The following ANP32B variants were observed in gnomAD, a reference collection of about 807,000 sequenced individuals.
ANP32B encodes acidic nuclear phosphoprotein 32 family member B, also known as acidic leucine-rich nuclear phosphoprotein 32 family member B.
ANP32B carries 6 observed loss-of-function variants against 32.2 expected under a neutral mutation model. The ratio of observed to expected loss-of-function variants is 0.19; its 90% CI spans 0.10 to 0.37. ANP32B has a LOEUF of 0.37. Among genes scored for constraint, ANP32B ranks in the 10% least tolerant of loss-of-function variants. The pLI, the probability that ANP32B is intolerant of heterozygous loss-of-function variation, is 1.00. For missense variants in ANP32B, 204 were observed against 289.2 expected, an observed-to-expected ratio of 0.71 and a Z score of 2.14; for synonymous variants, 98 against 105.8, an observed-to-expected ratio of 0.93 and a Z score of 0.45.
At chr9:97,991,515 TA>T (rs1010320377) in intron 1 of ANP32B, among the ~76,000 whole-genome samples, 2 of 151,488 alleles carry the variant, frequency 1.3e-5, no homozygotes, top group African/African-American at 2.4e-5. Context: ...TCACTTAGGG[TA>T]AAAAAAATAG....
Position 97,983,606 on chromosome 9 carries a change from A to C in ANP32B, c.51A>C (p.Ala17=), listed in dbSNP as rs1587867631. Reference sequence around the variant, plus strand: ...TGGAGCTGAGGAACCGGACCCCGGCAGCTGTAAGCAGAGACCCCTCTGGGT... The same window carrying C: ...TGGAGCTGAGGAACCGGACCCCGGCCGCTGTAAGCAGAGACCCCTCTGGGT... The part of the protein sequence containing the change: ...IHLELRNRTP[A]AVRELVLDNC... Residue 17 remains alanine (A), a synonymous_variant, in exon 1 of 7, where the codon GCA becomes GCC. Transcript: ENST00000339399. The C allele has an allele frequency of 1.3e-6, 2 of 1,576,536 alleles. No homozygotes were observed. Among genetic ancestry groups the C allele is most frequent in the South Asian group, 2.3e-5 (2 of 85,608 alleles).
At chr9:97,990,814 C>CTTTTTTTTT (rs34489949) in intron 1 of ANP32B, among the ~76,000 whole-genome samples, 1 of 98,872 alleles carries the variant, frequency 1.0e-5, no homozygotes, top group African/African-American at 3.9e-5. Context: ...ACAGTTGAAC[C>CTTTTTTTTT]TTTTTTTTTT....
chr9:97,990,814 CTTTTTTTTTTTTT>C (rs34489949), intron 1 of ANP32B, among the ~76,000 whole-genome samples: 243 of 98,906 alleles, frequency 2.5e-3, no homozygotes, highest in Non-Finnish European at 2.5e-3. Context: ...ACAGTTGAAC[CTTTTTTTTTTTTT>C]TTTTTTTTTT....
intron 3 of ANP32B, among the ~76,000 whole-genome samples, chr9:98,000,067 A>G (rs1300540108): frequency 1.3e-5 from 2 of 152,228 alleles, no homozygotes; most frequent in African/African-American, 2.4e-5. Flanking sequence ...AAGAGTTAGA[A>G]GATCTTTTCC....
chr9:97,988,145 GA>G lies in ANP32B; in HGVS notation c.54+4544del, dbSNP rs923931971. On this transcript the variant is annotated intron_variant, in intron 1 of 6. Coordinates refer to ENST00000339399, the MANE Select transcript of ANP32B (RefSeq NM_006401.3). ...AGCTAGCTTGTTGCTTTTTTTTTTAGAAAAAAAATACAGTCAACATCTTTGT... is the reference window on the plus strand; with the variant it reads ...AGCTAGCTTGTTGCTTTTTTTTTTAGAAAAAAATACAGTCAACATCTTTGT... 4.7e-5 allele frequency among the ~76,000 whole-genome samples: 7 copies of G among 149,460 alleles called. No homozygotes were observed. In the South Asian group the frequency reaches 6.3e-4, roughly 13 times the overall value.
chr9:97,985,073 C>CG (rs992018298), intron 1 of ANP32B, among the ~76,000 whole-genome samples: 23 of 150,482 alleles, frequency 1.5e-4, no homozygotes, highest in African/African-American at 5.3e-4. Flanking sequence ...CGAGCCCCCC[C>CG]CCCGCCGCGG....
chr9:97,997,378 TAA>T (rs1827922217), intron 2 of ANP32B, among the ~76,000 whole-genome samples: 1 of 152,362 alleles, frequency 6.6e-6, no homozygotes, highest in Middle Eastern at 3.4e-3. Flanking sequence ...TTTACATTTT[TAA>T]AAGTTACTCT....
At position 98,015,375 on chromosome 9, in the gene ANP32B, G is replaced by T; in HGVS notation, c.700G>T (p.Gly234Cys). Residue 234 changes from glycine to cysteine, a missense_variant, in exon 7 of 7, where the codon GGT (glycine) becomes TGT (cysteine). Physicochemically the swap from Gly to Cys is radical, Grantham distance 159 (BLOSUM62 -3). Coordinates refer to ENST00000339399, the MANE Select transcript of ANP32B (RefSeq NM_006401.3). ...TTGTTACTGTACAGAGGAGGAAGAA[G>T]GTGGGAAAGGTGAAAAGAGGAAGAG... ...DEDEDEEEEE[G>C]GKGEKRKRET... is the part of the protein sequence containing the mutation. 1 of 1,550,932 alleles carries T rather than the reference G, an allele frequency of 6.4e-7. No individual in the cohort carries two copies.
chr9:98,012,349 C>A lies in ANP32B; in HGVS notation c.637-72C>A. On this transcript the variant is annotated intron_variant, in intron 5 of 6. Transcript: ENST00000339399. The stretch of plus-strand genomic sequence containing the variant: ...CATTTATTTGTACTTCTTAGTTTGG[C>A]AGAATTTGTACTATATGCACTTTTC... 2.0e-6 allele frequency: 3 copies of A among 1,537,006 alleles called. No homozygotes were observed. The South Asian group carries it at 3.7e-5, about 19-fold the overall frequency.
At position 98,015,593 on chromosome 9, in the gene ANP32B, C is replaced by T; in HGVS notation, c.*162C>T. On this transcript the variant is annotated 3_prime_UTR_variant, in exon 7 of 7. Transcript: ENST00000339399. ...ATAGTTCCTGTGACATTCCGCCTTCCTTCCATGTAGTCCCTCTTGGTAATC... is the reference window on the plus strand; with the variant it reads ...ATAGTTCCTGTGACATTCCGCCTTCTTTCCATGTAGTCCCTCTTGGTAATC... 1.5e-6 allele frequency: 2 copies of T among 1,353,918 alleles called. No individual in the cohort carries two copies. The highest frequency in any genetic ancestry group is 1.9e-6 in the Non-Finnish European group (2 of 1,046,376). The allele number at this position is 1,353,918 out of a possible 1,614,324, so 83.9% of individuals were successfully genotyped here. A position where few individuals can be genotyped will look rare whatever the true frequency, so the allele number is the denominator to read the frequency against.
chr9:98,006,375 G>C (rs900628936), intron 4 of ANP32B, among the ~76,000 whole-genome samples: 1 of 152,076 alleles, frequency 6.6e-6, no homozygotes, highest in Non-Finnish European at 1.5e-5. Flanking sequence ...TGCATGGCCT[G>C]CCCATTTTTT....
At chr9:97,983,921 AGG>A (rs1827647818) in intron 1 of ANP32B, among the ~76,000 whole-genome samples, 1 of 151,574 alleles carries the variant, frequency 6.6e-6, no homozygotes, top group South Asian at 2.1e-4. Context: ...CGAGAGAGGG[AGG>A]CGGGGGTTGT....
At chr9:98,002,121 G>GA (rs1291068012) in intron 3 of ANP32B, among the ~76,000 whole-genome samples, 20 of 152,164 alleles carry the variant, frequency 1.3e-4, no homozygotes, top group African/African-American at 4.3e-4. Flanking sequence ...GTGAAGGGGG[G>GA]AAGAGTTGGG....
intron 3 of ANP32B, among the ~76,000 whole-genome samples, chr9:98,001,852 A>G (rs1827998207): frequency 6.9e-6 from 1 of 144,622 alleles, no homozygotes; most frequent in Non-Finnish European, 1.5e-5. Flanking sequence ...TAGTAATTGT[A>G]AAAAAAAAAA....
intron 2 of ANP32B, among the ~76,000 whole-genome samples, chr9:97,996,752 C>T (rs1303292364): frequency 6.6e-6 from 1 of 151,930 alleles, no homozygotes; most frequent in African/African-American, 2.4e-5. Flanking sequence ...CACCACCACG[C>T]CTGGCTACTT....
intron 2 of ANP32B, among the ~76,000 whole-genome samples, chr9:97,995,433 C>T (rs939297216): frequency 1.3e-5 from 2 of 152,186 alleles, no homozygotes; most frequent in Non-Finnish European, 2.9e-5. Flanking sequence ...TCTGCCATTT[C>T]AATATTCGCT....
chr9:97,985,852 C>G (rs1407748046), intron 1 of ANP32B, among the ~76,000 whole-genome samples: 2 of 151,748 alleles, frequency 1.3e-5, no homozygotes, highest in South Asian at 4.1e-4. Flanking sequence ...GAGACTGAGT[C>G]TCTCTCTTGC....
At chr9:98,000,681 T>G (rs1158738366) in intron 3 of ANP32B, among the ~76,000 whole-genome samples, 1 of 152,082 alleles carries the variant, frequency 6.6e-6, no homozygotes, top group Non-Finnish European at 1.5e-5. Flanking sequence ...CCCAGCACTT[T>G]GGGAGGCCGA....
intron 3 of ANP32B, among the ~76,000 whole-genome samples, chr9:98,000,400 G>A (rs1827970290): frequency 6.6e-6 from 1 of 152,184 alleles, no homozygotes; most frequent in African/African-American, 2.4e-5. Flanking sequence ...GGTATACCCA[G>A]ATACTCGGGC....
Sources: allele counts gnomAD v4.1 joint callset (sites outside exome capture counted in the v4.1 genomes callset), GRCh38; gene constraint gnomAD v4.1.1; transcripts MANE v1.5; gene names NCBI Gene and HGNC (gene_info 2026-07-23, HGNC 2026-07-21).